The following TMPRSS15 variants were observed in gnomAD, a reference collection of about 807,000 sequenced individuals.
The protein encoded by TMPRSS15 is transmembrane serine protease 15.
In TMPRSS15, 128 loss-of-function variants were observed where a neutral mutation model predicts 125.3. The ratio of observed to expected loss-of-function variants is 1.02; its 90% CI spans 0.89 to 1.18. TMPRSS15 has a LOEUF of 1.18. Among genes scored for constraint, TMPRSS15 ranks in the 50% most tolerant of loss-of-function variants. The probability of loss-of-function intolerance (pLI) is 0.00; values close to 1 mark genes in which losing one functional copy is unlikely to be tolerated. For missense variants in TMPRSS15, 1,283 were observed against 1,212.7 expected, an observed-to-expected ratio of 1.06 and a Z score of -0.86; for synonymous variants, 446 against 423.2, an observed-to-expected ratio of 1.05 and a Z score of -0.66.
intron 1 of TMPRSS15, among the ~76,000 whole-genome samples, chr21:18,478,448 C>A (rs1355033744): frequency 6.6e-6 from 1 of 151,880 alleles, no homozygotes; most frequent in African/African-American, 2.4e-5. Context: ...TTCTGTTGTA[C>A]CCCTCTTCCA....
At chr21:18,316,398 T>C (rs950543623) in intron 16 of TMPRSS15, among the ~76,000 whole-genome samples, 7 of 152,160 alleles carry the variant, frequency 4.6e-5, no homozygotes, top group Non-Finnish European at 1.0e-4. Context: ...TCCAAAACTT[T>C]GTAAGAAAGA....
intron 3 of TMPRSS15, among the ~76,000 whole-genome samples, chr21:18,385,543 T>G (rs1480041417): frequency 6.6e-6 from 1 of 152,190 alleles, no homozygotes; most frequent in Non-Finnish European, 1.5e-5. Flanking sequence ...ATTACCACCC[T>G]TCGTTGTTGA....
At chr21:18,283,426 C>T (rs1217422030) in intron 21 of TMPRSS15, among the ~76,000 whole-genome samples, 1 of 151,860 alleles carries the variant, frequency 6.6e-6, no homozygotes, top group Non-Finnish European at 1.5e-5. Context: ...ATTAATCTTA[C>T]AATTACTATA....
In TMPRSS15 at chr21:18,403,615, G is replaced by A. The variant is rs777284564; in HGVS notation, c.8C>T (p.Ser3Leu). 1.3e-5 allele frequency: 21 copies of A among 1,613,830 alleles called. No homozygotes were observed. The highest frequency in any genetic ancestry group is 2.2e-5 in the East Asian group (1 of 44,882). Reference sequence around the variant, plus strand: ...ATGCCTAGAAGATATGCCTCTTTTCGACCCCATTTTTGGTTTTGAAGGCTT... The same window carrying A: ...ATGCCTAGAAGATATGCCTCTTTTCAACCCCATTTTTGGTTTTGAAGGCTT... Reference protein sequence around the residue: MGSKRGISSRHHS... With the variant: MGLKRGISSRHHS... Residue 3 changes from serine (S) to leucine (L), a missense_variant, in exon 1 of 25, where the codon TCG (serine) becomes TTG (leucine). By Grantham distance (145) the Ser-to-Leu change is moderately radical. Transcript: ENST00000284885.
chr21:18,459,268 C>CT lies in TMPRSS15; in HGVS notation c.10+26530dup, dbSNP rs796164042. Among the ~76,000 whole-genome samples, 923 of 146,080 alleles carry CT rather than the reference C, an allele frequency of 6.3e-3. 8 individuals carry two copies. Among genetic ancestry groups the CT allele is most frequent in the African/African-American group, 0.018 (737 of 40,160 alleles). ...TGTTCCAGTTATCAACAGGTCTACT[C>CT]TTTTTTTTTTTTCTTTTTCTTTTGA... On this transcript the variant is annotated intron_variant, in intron 1 of 7. Coordinates refer to the TMPRSS15 transcript ENST00000422787.
At chr21:18,353,663 AT>A in intron 9 of TMPRSS15, 59 bp downstream of exon 9, 1 of 1,508,106 alleles carries the variant, frequency 6.6e-7, no homozygotes, top group Non-Finnish European at 9.1e-7. Flanking sequence ...TACCTTTAAA[AT>A]TCCATCATAA....
intron 21 of TMPRSS15, among the ~76,000 whole-genome samples, chr21:18,284,789 TC>T (rs1349679830): frequency 6.6e-6 from 1 of 152,048 alleles, no homozygotes; most frequent in Non-Finnish European, 1.5e-5. Context: ...TCACCTGAGG[TC>T]AGGAGTTCGA....
chr21:18,311,775 G>A (rs764094588), intron 18 of TMPRSS15, among the ~76,000 whole-genome samples: 1 of 152,062 alleles, frequency 6.6e-6, no homozygotes, highest in Admixed American at 6.6e-5. Context: ...TATCAAAGAG[G>A]ATATCTGCCC....
At chr21:18,361,218 T>G (rs1055056456) in intron 7 of TMPRSS15, among the ~76,000 whole-genome samples, 1 of 152,126 alleles carries the variant, frequency 6.6e-6, no homozygotes, top group African/African-American at 2.4e-5. Context: ...GAACCTCTAT[T>G]TACAACTCCA....
intron 14 of TMPRSS15, among the ~76,000 whole-genome samples, chr21:18,330,080 C>G (rs1314173896): frequency 6.6e-6 from 1 of 152,152 alleles, no homozygotes; most frequent in South Asian, 2.1e-4. Flanking sequence ...TTCTTCCTAT[C>G]TCAGTGGCAC....
chr21:18,280,593 A>AAAAAAAAAAAC (rs1267521488), intron 22 of TMPRSS15, among the ~76,000 whole-genome samples: 8 of 143,674 alleles, frequency 5.6e-5, no homozygotes, highest in African/African-American at 2.2e-4. Flanking sequence ...AAAAAAAAAA[A>AAAAAAAAAAAC]AACAACAAAA....
intron 17 of TMPRSS15, among the ~76,000 whole-genome samples, chr21:18,313,360 T>C (rs941728303): frequency 6.6e-6 from 1 of 151,632 alleles, no homozygotes; most frequent in Non-Finnish European, 1.5e-5. Flanking sequence ...TATATATATA[T>C]ACACACTTTT....
chr21:18,360,382 C>A (rs978815896), intron 7 of TMPRSS15, among the ~76,000 whole-genome samples: 1 of 152,006 alleles, frequency 6.6e-6, no homozygotes, highest in African/African-American at 2.4e-5. Context: ...GTAACTAATG[C>A]TGAAATGAAC....
chr21:18,422,452 G>A (rs1251924565), intron 1 of TMPRSS15, among the ~76,000 whole-genome samples: 2 of 152,068 alleles, frequency 1.3e-5, no homozygotes, highest in Non-Finnish European at 2.9e-5. Flanking sequence ...ATCACTTCAT[G>A]ATGTTATTTT....
At chr21:18,399,538 AG>A in intron 1 of TMPRSS15, among the ~76,000 whole-genome samples, 1 of 152,256 alleles carries the variant, frequency 6.6e-6, no homozygotes, top group Middle Eastern at 3.4e-3. Flanking sequence ...AAGGAGACTA[AG>A]GAAGCGTAAT....
intron 3 of TMPRSS15, among the ~76,000 whole-genome samples, chr21:18,395,908 T>C (rs541589193): frequency 7.9e-5 from 12 of 152,184 alleles, no homozygotes; most frequent in Non-Finnish European, 1.2e-4. Context: ...TGAAAACCCA[T>C]AGGGAGGCTG....
intron 1 of TMPRSS15, among the ~76,000 whole-genome samples, chr21:18,464,463 TGAA>T (rs1978616299): frequency 6.6e-6 from 1 of 152,016 alleles, no homozygotes; most frequent in Admixed American, 6.6e-5. Context: ...AAAAAATCAA[TGAA>T]TCCAGGAGCT....
intron 16 of TMPRSS15, among the ~76,000 whole-genome samples, chr21:18,318,630 A>G (rs1037006257): frequency 1.3e-5 from 2 of 152,238 alleles, no homozygotes; most frequent in African/African-American, 4.8e-5. Flanking sequence ...GTTCATTTTA[A>G]CACTTACAAG....
intron 1 of TMPRSS15, 88 bp downstream of exon 1, chr21:18,403,390 T>C: frequency 1.3e-6 from 2 of 1,555,756 alleles, no homozygotes; most frequent in Admixed American, 1.7e-5. Context: ...TAGTTGGCAA[T>C]GAATAAAATA....
Sources: allele counts gnomAD v4.1 joint callset (sites outside exome capture counted in the v4.1 genomes callset), GRCh38; gene constraint gnomAD v4.1.1; transcripts MANE v1.5; gene names NCBI Gene and HGNC (gene_info 2026-07-23, HGNC 2026-07-21).